The following ARHGAP10 variants were observed in gnomAD, a reference collection of about 807,000 sequenced individuals.
The protein encoded by ARHGAP10 is Rho GTPase activating protein 10.
ARHGAP10 carries 87 observed loss-of-function variants against 108.6 expected under a neutral mutation model. That is an observed-to-expected ratio of 0.80 (90% CI 0.67 to 0.96). ARHGAP10 has a LOEUF of 0.96. Ranked by LOEUF, ARHGAP10 falls within the 40% of genes least tolerant of loss-of-function variation. The pLI, the probability that ARHGAP10 is intolerant of heterozygous loss-of-function variation, is 0.00. For missense variants in ARHGAP10, 939 were observed against 954.5 expected (o/e 0.98, Z 0.21); for synonymous variants, 347 against 341.1 (o/e 1.02, Z -0.19).
At chr4:148,033,080 ATTC>A (rs1454249902) in intron 19 of ARHGAP10, among the ~76,000 whole-genome samples, 1 of 152,110 alleles carries the variant, frequency 6.6e-6, no homozygotes, top group Non-Finnish European at 1.5e-5. Flanking sequence ...ATGAATATGG[ATTC>A]TTATTTATTC....
At chr4:147,944,340 G>C (rs933886787) in intron 14 of ARHGAP10, among the ~76,000 whole-genome samples, 1 of 152,202 alleles carries the variant, frequency 6.6e-6, no homozygotes, top group Non-Finnish European at 1.5e-5. Context: ...AATTGCCATT[G>C]TTGTAGTTTA....
chr4:147,878,303 G>T (rs1481496952), intron 8 of ARHGAP10, among the ~76,000 whole-genome samples: 1 of 152,128 alleles, frequency 6.6e-6, no homozygotes, highest in Non-Finnish European at 1.5e-5. Context: ...CACAACGTTG[G>T]CCAGGATGGT....
At chr4:147,820,580 GTTTTTTTTTTTTTTT>G (rs57534364) in intron 1 of ARHGAP10, among the ~76,000 whole-genome samples, 11 of 49,030 alleles carry the variant, frequency 2.2e-4, no homozygotes, top group African/African-American at 7.2e-4. Flanking sequence ...ACCTCGGCCA[GTTTTTTTTTTTTTTT>G]TTTTTTTTTT....
At chr4:147,807,917 A>C (rs971162758) in intron 1 of ARHGAP10, among the ~76,000 whole-genome samples, 1 of 152,234 alleles carries the variant, frequency 6.6e-6, no homozygotes. Context: ...CTTTGGTTGT[A>C]TGGGTGTATA....
At chr4:147,896,743 G>T (rs1460010032) in intron 10 of ARHGAP10, among the ~76,000 whole-genome samples, 2 of 151,742 alleles carry the variant, frequency 1.3e-5, no homozygotes, top group Non-Finnish European at 2.9e-5. Context: ...TTTGAGATGG[G>T]CATTTGAATC....
At chr4:147,930,236 T>C (rs1315539419) in intron 13 of ARHGAP10, among the ~76,000 whole-genome samples, 8 of 152,224 alleles carry the variant, frequency 5.3e-5, no homozygotes, top group Non-Finnish European at 1.2e-4. Flanking sequence ...TTTAATCATT[T>C]CATGCCTGTT....
intron 13 of ARHGAP10, among the ~76,000 whole-genome samples, chr4:147,936,317 CTTTTTT>C (rs765432394): frequency 6.4e-4 from 63 of 97,896 alleles, no homozygotes; most frequent in South Asian, 1.6e-3. Context: ...CTTTTCCTCT[CTTTTTT>C]TTTTTTTTTT....
intron 16 of ARHGAP10, among the ~76,000 whole-genome samples, chr4:147,959,542 G>A (rs994076863): frequency 1.3e-5 from 2 of 151,834 alleles, no homozygotes; most frequent in African/African-American, 4.8e-5. Context: ...GACAGGCCCA[G>A]GTGTGTGATG....
At chr4:148,069,705 G>A (rs753466341) in intron 22 of ARHGAP10, among the ~76,000 whole-genome samples, 1 of 152,178 alleles carries the variant, frequency 6.6e-6, no homozygotes, top group African/African-American at 2.4e-5. Flanking sequence ...TAGTAACCCC[G>A]TATTGCAGGT....
At position 147,955,823 on chromosome 4, in the gene ARHGAP10, C is replaced by T. The variant is rs558322836; in HGVS notation, c.1450+449C>T. On this transcript the variant is annotated intron_variant, in intron 16 of 22. Coordinates refer to ENST00000336498, the MANE Select transcript of ARHGAP10 (RefSeq NM_024605.4). ...TAGACAGATACTCGGATCTAAATTA[C>T]AGACAGAAGGAATATTATGAGATAA... Among the ~76,000 whole-genome samples, 83 of 152,110 alleles carry T rather than the reference C, an allele frequency of 5.5e-4. 1 individual carries two copies. Among genetic ancestry groups the T allele is most frequent in the Non-Finnish European group, 9.1e-4 (62 of 67,996 alleles).
chr4:147,857,170 C>G (rs1374286299), intron 4 of ARHGAP10, among the ~76,000 whole-genome samples: 1 of 152,184 alleles, frequency 6.6e-6, no homozygotes, highest in East Asian at 1.9e-4. Context: ...AAACGAATTC[C>G]ACGTCTGTGC....
rs962546015 is a variant in ARHGAP10 at position 147,875,089 on chromosome 4, C to T, written c.771C>T (p.Pro257=). The T allele has an allele frequency of 6.2e-7, 1 of 1,608,798 alleles. No homozygotes were observed. Among genetic ancestry groups the T allele is most frequent in the African/African-American group, 1.3e-5 (1 of 74,760 alleles). Residue 257 remains proline (P), a synonymous_variant, in exon 8 of 23, where the codon CCC becomes CCT. Transcript: ENST00000336498. The part of the protein sequence containing the change: ...EELMNKIRQN[P]KDHKRASQFT... ...TCATGAACAAAATCAGACAGAATCC[C>T]AAGGACCACAAACGAGCAAGTCAGT...
At chr4:148,026,253 G>T (rs1030667506) in intron 19 of ARHGAP10, among the ~76,000 whole-genome samples, 1 of 152,202 alleles carries the variant, frequency 6.6e-6, no homozygotes, top group African/African-American at 2.4e-5. Flanking sequence ...ATTGGTTTCA[G>T]TTCAGCATCA....
At chr4:147,742,762 G>A (rs968527739) in intron 1 of ARHGAP10, among the ~76,000 whole-genome samples, 25 of 152,006 alleles carry the variant, frequency 1.6e-4, no homozygotes, top group African/African-American at 6.0e-4. Flanking sequence ...TAGGATTACA[G>A]GCATGAGCCA....
rs543048327 is a variant in ARHGAP10 at position 147,889,722 on chromosome 4, G to A, written c.1034+7790G>A. Among the ~76,000 whole-genome samples, 36 of 152,184 alleles carry A rather than the reference G, an allele frequency of 2.4e-4. 1 individual carries two copies. The highest frequency in any genetic ancestry group is 7.2e-4 in the African/African-American group (30 of 41,522). Reference sequence around the variant, plus strand: ...TTTTTTTTTATTTCCTGTGTTGGGAGGGCAGCTGGGTAGCATTTTGAAGTA... The same window carrying A: ...TTTTTTTTTATTTCCTGTGTTGGGAAGGCAGCTGGGTAGCATTTTGAAGTA... On this transcript the variant is annotated intron_variant, in intron 10 of 22. Transcript: ENST00000336498.
intron 15 of ARHGAP10, among the ~76,000 whole-genome samples, chr4:147,949,698 C>T (rs1738523581): frequency 6.6e-6 from 1 of 152,226 alleles, no homozygotes; most frequent in Non-Finnish European, 1.5e-5. Context: ...AAGAGACGTA[C>T]TGCCACTCTA....
intron 3 of ARHGAP10, among the ~76,000 whole-genome samples, chr4:147,839,092 G>C (rs1056297568): frequency 2.8e-5 from 4 of 143,788 alleles, no homozygotes; most frequent in Admixed American, 7.0e-5. Flanking sequence ...TAGATCTATC[G>C]TATCTATCTA....
At chr4:148,052,676 G>A (rs28371967) in intron 20 of ARHGAP10, among the ~76,000 whole-genome samples, 10,001 of 152,214 alleles carry the variant, frequency 0.066, 1,125 homozygotes, top group African/African-American at 0.22. Flanking sequence ...CCTTCTTGTG[G>A]AAGGATGTGG....
At position 147,913,095 on chromosome 4, in the gene ARHGAP10, G is replaced by T. The variant is rs1736823431; in HGVS notation, c.1184G>T (p.Gly395Val). 1.2e-6 allele frequency: 2 copies of T among 1,613,626 alleles called. No individual in the cohort carries two copies. The highest frequency in any genetic ancestry group is 1.7e-6 in the Non-Finnish European group (2 of 1,179,780). Residue 395 changes from glycine (G) to valine (V), a missense_variant, in exon 13 of 23, where the codon GGG becomes GTG. By Grantham distance (109) the Gly-to-Val change is moderately radical. Coordinates refer to ENST00000336498, the MANE Select transcript of ARHGAP10 (RefSeq NM_024605.4). ...GTAGATGCACAGTTGGATAAGATGG[G>T]GTTCACAATTATCAGAAAATGCATC... is the stretch of plus-strand genomic sequence containing the variant. ...PEGNAQLDKMGFTIIRKCISA... is the reference protein window; with the variant it reads ...PEGNAQLDKMVFTIIRKCISA...
Sources: allele counts gnomAD v4.1 joint callset (sites outside exome capture counted in the v4.1 genomes callset), GRCh38; gene constraint gnomAD v4.1.1; transcripts MANE v1.5; gene names NCBI Gene and HGNC (gene_info 2026-07-23, HGNC 2026-07-21).